XYLB: variants seen among roughly 807,000 people sequenced by gnomAD.
XYLB encodes xylulose kinase.
XYLB carries 62 observed loss-of-function variants against 78.7 expected under a neutral mutation model. The observed-to-expected ratio is 0.79, with a 90% confidence interval of 0.64 to 0.97. The LOEUF (loss-of-function observed/expected upper bound fraction) is 0.97, where lower values mean the gene tolerates loss of function less well. Ranked by LOEUF, XYLB falls within the 50% of genes least tolerant of loss-of-function variation. The probability of loss-of-function intolerance (pLI) is 0.00; values close to 1 mark genes in which losing one functional copy is unlikely to be tolerated. For missense variants in XYLB, 687 were observed against 676.8 expected (o/e 1.02, Z -0.17); for synonymous variants, 245 against 247.4 (o/e 0.99, Z 0.09).
At chr3:38,388,988 G>C (rs1280664720) in intron 15 of XYLB, among the ~76,000 whole-genome samples, 2 of 147,542 alleles carry the variant, frequency 1.4e-5, no homozygotes, top group African/African-American at 2.5e-5. Flanking sequence ...GGTGTTTCTC[G>C]CAGAGGGGGA....
At position 38,395,492 on chromosome 3, in the gene XYLB, T is replaced by C. The variant is rs1707831871; in HGVS notation, c.1292-13T>C. ...CTGGCATAGCTATTTTACTTTTTTC[T>C]TTTCCCTTGCAGTGTCCAAGACAAA... On this transcript the variant is annotated splice_polypyrimidine_tract_variant and intron_variant, in intron 15 of 18. Transcript: ENST00000207870. 1 of 1,614,000 alleles carries C rather than the reference T, an allele frequency of 6.2e-7. No individual in the cohort carries two copies. The highest frequency in any genetic ancestry group is 8.5e-7 in the Non-Finnish European group (1 of 1,179,970).
chr3:38,385,341 A>AT (rs888848292), intron 15 of XYLB, among the ~76,000 whole-genome samples: 12 of 151,120 alleles, frequency 7.9e-5, no homozygotes, highest in African/African-American at 2.2e-4. Context: ...TTGTTTGTGT[A>AT]TTTTTTTTCC....
downstream of XYLB, chr3:38,421,464 AAGG>A (rs545886628): frequency 5.3e-5 from 8 of 152,380 alleles, no homozygotes; most frequent in Admixed American, 2.0e-4. Flanking sequence ...CATCTCAGAA[AAGG>A]AGGAGTGAAC....
At chr3:38,433,416 T>C in the XYLB span, among the ~76,000 whole-genome samples, 1 of 152,246 alleles carries the variant, frequency 6.6e-6, no homozygotes, top group Non-Finnish European at 1.5e-5. Flanking sequence ...CTTATGTAAA[T>C]TTCTGCAGCA....
intron 2 of XYLB, 127 bp downstream of exon 2, chr3:38,348,759 C>A: frequency 1.3e-6 from 1 of 763,618 alleles, no homozygotes; most frequent in Non-Finnish European, 2.2e-6. Context: ...CTCGGCAGAC[C>A]TTTCAAGCAT....
At position 38,364,017 on chromosome 3, in the gene XYLB, C is replaced by A. The variant is rs1453276825; in HGVS notation, c.291+1000C>A. ...TCCCTGGGTGATCTTGTCCACTTCT[C>A]TCTCCCGAATCCCAGGCCTGGACAC... On this transcript the variant is annotated intron_variant, in intron 4 of 18. Transcript: ENST00000207870. 2.0e-5 allele frequency among the ~76,000 whole-genome samples: 3 copies of A among 152,176 alleles called. No individual in the cohort carries two copies. The East Asian group carries it at 5.8e-4, about 29-fold the overall frequency.
rs762655005 is a variant in XYLB, at chr3:38,413,056, C to A, written c.*43C>A. 26 of 1,549,918 alleles carry A rather than the reference C, an allele frequency of 1.7e-5. No individual in the cohort carries two copies. The highest frequency in any genetic ancestry group is 3.4e-4 in the Middle Eastern group (2 of 5,900). Reference sequence around the variant, plus strand: ...CCCTGCCTGCCCAGATTTACTGACCCCATTTGTCGACATGGCCCCAGACAG... The same window carrying A: ...CCCTGCCTGCCCAGATTTACTGACCACATTTGTCGACATGGCCCCAGACAG... On this transcript the variant is annotated 3_prime_UTR_variant, in exon 19 of 19. Coordinates refer to ENST00000207870, the MANE Select transcript of XYLB (RefSeq NM_005108.4).
chr3:38,351,393 G>A (rs936403731), intron 2 of XYLB, among the ~76,000 whole-genome samples: 2 of 151,752 alleles, frequency 1.3e-5, no homozygotes, highest in African/African-American at 2.4e-5. Context: ...AAAAAAAGGT[G>A]TCCATAACCA....
intron 18 of XYLB, among the ~76,000 whole-genome samples, chr3:38,412,281 A>AT (rs1708627168): frequency 6.6e-6 from 1 of 152,132 alleles, no homozygotes; most frequent in Non-Finnish European, 1.5e-5. Context: ...ATGAGCTACC[A>AT]TGCCCGGCCA....
chr3:38,368,136 G>A (rs370664611), intron 7 of XYLB, 49 bp from the exon 8 acceptor site: 92 of 1,564,052 alleles, frequency 5.9e-5, no homozygotes, highest in South Asian at 3.6e-4. Context: ...ATTCAGTAGC[G>A]TAGGGTATGT....
chr3:38,375,226 C>G lies in XYLB; in HGVS notation c.971C>G (p.Pro324Arg), dbSNP rs766980634. The G allele has an allele frequency of 3.1e-6, 5 of 1,614,218 alleles. No individual in the cohort carries two copies. The South Asian group carries it at 4.4e-5, about 14-fold the overall frequency. ...PALEGHIFCN[P>R]VDSQHYMALL... Reference sequence around the variant, plus strand: ...CTGGAAGGCCACATCTTCTGCAACCCGGTTGACTCCCAGCACTACATGGCA... The same window carrying G: ...CTGGAAGGCCACATCTTCTGCAACCGGGTTGACTCCCAGCACTACATGGCA... Residue 324 changes from proline (P) to arginine (R), a missense_variant, in exon 12 of 19, where the codon CCG becomes CGG. Physicochemically the swap from Pro to Arg is moderately radical, Grantham distance 103. Transcript: ENST00000207870.
At chr3:38,358,357 G>GTGTTTT (rs774476552) in intron 2 of XYLB, among the ~76,000 whole-genome samples, 6 of 90,126 alleles carry the variant, frequency 6.7e-5, no homozygotes, top group South Asian at 4.4e-4. Context: ...GTGTGTGTGT[G>GTGTTTT]TTTGAGACAG....
chr3:38,350,551 CCT>C (rs1705302770), intron 2 of XYLB, among the ~76,000 whole-genome samples: 1 of 151,680 alleles, frequency 6.6e-6, no homozygotes, highest in African/African-American at 2.4e-5. Context: ...TTGATTTTCC[CCT>C]GTTGTTTTCT....
chr3:38,397,488 G>T (rs1216760072), intron 17 of XYLB, among the ~76,000 whole-genome samples: 2 of 152,166 alleles, frequency 1.3e-5, no homozygotes, highest in Admixed American at 6.5e-5. Context: ...GAGGGCAGGA[G>T]AGGTGGACAA....
chr3:38,416,116 G>A (rs1005521559), downstream of XYLB, among the ~76,000 whole-genome samples: 1 of 152,168 alleles, frequency 6.6e-6, no homozygotes, highest in African/African-American at 2.4e-5. Context: ...TGAGATTTGG[G>A]TGGGGACAGA....
chr3:38,433,536 A>T, the XYLB span, among the ~76,000 whole-genome samples: 1 of 152,288 alleles, frequency 6.6e-6, no homozygotes, highest in East Asian at 1.9e-4. Context: ...GTCAATTAGA[A>T]ATTTCTTCCA....
At position 38,401,034 on chromosome 3, in the gene XYLB, G is replaced by A. The variant is rs766727600; in HGVS notation, c.1533+49G>A. On this transcript the variant is annotated intron_variant, in intron 18 of 18. Coordinates refer to ENST00000207870, the MANE Select transcript of XYLB (RefSeq NM_005108.4). The stretch of plus-strand genomic sequence containing the variant: ...TGTAGCATTTGCATTATGAAAGCCC[G>A]CTAGGGTTTTTTCCCCCACCAAAAG... 47 of 1,557,456 alleles carry A rather than the reference G, an allele frequency of 3.0e-5. No individual in the cohort carries two copies. The Middle Eastern group carries it at 5.0e-4, about 17-fold the overall frequency.
chr3:38,400,243 G>A (rs1207029303), intron 17 of XYLB, among the ~76,000 whole-genome samples: 5 of 152,122 alleles, frequency 3.3e-5, no homozygotes, highest in South Asian at 2.1e-4. Context: ...GTGGTGACCC[G>A]GAGAGACACA....
At chr3:38,433,853 G>A in the XYLB span, among the ~76,000 whole-genome samples, 1 of 152,134 alleles carries the variant, frequency 6.6e-6, no homozygotes, top group African/African-American at 2.4e-5. Flanking sequence ...ACATTTTTAA[G>A]TATCCTTATA....
Sources: gnomAD v4.1 joint callset for allele counts (sites outside exome capture counted in the v4.1 genomes callset) on GRCh38, gnomAD v4.1.1 for gene constraint, MANE v1.5 for transcripts, NCBI Gene and HGNC (gene_info 2026-07-23, HGNC 2026-07-21) for gene names.